TFDP2: variants seen among roughly 807,000 people sequenced by gnomAD.
TFDP2 encodes the protein transcription factor Dp-2, also known as transcription factor Dp-2 (E2F dimerization partner 2).
A neutral mutation model predicts 59.3 loss-of-function variants in TFDP2; 17 were observed. The ratio of observed to expected loss-of-function variants is 0.29; its 90% CI spans 0.20 to 0.43. The LOEUF is 0.43. TFDP2 is among the 20% of genes least tolerant of loss of function. The pLI is 1.00. For missense variants in TFDP2, 391 were observed against 528.8 expected, an observed-to-expected ratio of 0.74 and a Z score of 2.56; for synonymous variants, 180 against 194.7, an observed-to-expected ratio of 0.92 and a Z score of 0.63.
chr3:142,106,647 A>T (rs2061482471), intron 1 of TFDP2, among the ~76,000 whole-genome samples: 1 of 152,212 alleles, frequency 6.6e-6, no homozygotes, highest in Non-Finnish European at 1.5e-5. Context: ...ACAATTGCAC[A>T]CTTCTTCCTG....
rs544785916 is a variant in TFDP2 at position 142,108,378 on chromosome 3, TTTC to T, written c.-92-6540_-92-6538del. Among the ~76,000 whole-genome samples, 557 of 152,078 alleles carry T rather than the reference TTTC, an allele frequency of 3.7e-3. 3 individuals are homozygous for T. The highest frequency in any genetic ancestry group is 0.013 in the African/African-American group (529 of 41,482). On this transcript the variant is annotated intron_variant, in intron 1 of 12. Coordinates refer to ENST00000489671, the MANE Select transcript of TFDP2 (RefSeq NM_001178139.2). Reference sequence around the variant, plus strand: ...GAGCCTGCCACCACGCATGGCTAATTTTCTTATTTTTAGTAGAGACGGGGTTTC... The same window carrying T: ...GAGCCTGCCACCACGCATGGCTAATTTTATTTTTAGTAGAGACGGGGTTTC...
chr3:142,128,680 A>G (rs2062371291), intron 1 of TFDP2, among the ~76,000 whole-genome samples: 1 of 151,978 alleles, frequency 6.6e-6, no homozygotes, highest in Non-Finnish European at 1.5e-5. Flanking sequence ...AAGAGAAGGA[A>G]GGAAAAAAGA....
At chr3:141,952,853 C>G in intron 12 of TFDP2, 58 bp downstream of exon 12, 2 of 1,577,848 alleles carry the variant, frequency 1.3e-6, no homozygotes, top group East Asian at 2.2e-5. Flanking sequence ...CGGCTCACCC[C>G]TACACAGACA....
In TFDP2 at chr3:142,055,941, CTTTTTTTTTTTTTTTTT is replaced by C. The variant is rs529693273; in HGVS notation, c.82+37103_82+37119del. On this transcript the variant is annotated intron_variant, in intron 3 of 12. Transcript: ENST00000489671. Reference sequence around the variant, plus strand: ...AAGCCCACATGCATTTATTAAGTACCTTTTTTTTTTTTTTTTTTTTTTTTTTTTTTGAGACAGAGTCT... The same window carrying C: ...AAGCCCACATGCATTTATTAAGTACCTTTTTTTTTTTTTGAGACAGAGTCT... 1.3e-3 allele frequency among the ~76,000 whole-genome samples: 88 copies of C among 70,216 alleles called. 3 individuals are homozygous for C. Among genetic ancestry groups the C allele is most frequent in the Non-Finnish European group, 1.4e-4 (6 of 42,888 alleles). The allele number at this position is 70,216 out of a possible 152,430, so 46.1% of individuals were successfully genotyped here. A position where few individuals can be genotyped will look rare whatever the true frequency, so the allele number is the denominator to read the frequency against.
chr3:142,075,733 A>AG (rs1491515345), intron 3 of TFDP2, among the ~76,000 whole-genome samples: 44 of 130,970 alleles, frequency 3.4e-4, no homozygotes, highest in Middle Eastern at 8.2e-3. Context: ...CTGTCTCTAC[A>AG]GAAAAAAAAA....
intron 3 of TFDP2, among the ~76,000 whole-genome samples, chr3:142,018,738 A>G (rs948218506): frequency 1.3e-5 from 2 of 152,156 alleles, no homozygotes; most frequent in Admixed American, 1.3e-4. Flanking sequence ...CACTGCACCC[A>G]GGCAATGTGT....
At chr3:142,138,081 C>G (rs1369902811) in intron 1 of TFDP2, among the ~76,000 whole-genome samples, 6 of 152,160 alleles carry the variant, frequency 3.9e-5, no homozygotes, top group Admixed American at 1.3e-4. Flanking sequence ...AGAGATTCAA[C>G]TTCTTCCTGG....
At chr3:142,081,504 A>T (rs1466695549) in intron 3 of TFDP2, among the ~76,000 whole-genome samples, 1 of 152,180 alleles carries the variant, frequency 6.6e-6, no homozygotes, top group Non-Finnish European at 1.5e-5. Context: ...AAATAAAACA[A>T]ATTGAAACAC....
intron 3 of TFDP2, among the ~76,000 whole-genome samples, chr3:142,039,273 TA>T (rs1248843701): frequency 6.6e-6 from 1 of 152,230 alleles, no homozygotes; most frequent in Non-Finnish European, 1.5e-5. Flanking sequence ...TGCCAATATT[TA>T]TTTTTTTATT....
chr3:142,146,765 T>C (rs2063194974), intron 1 of TFDP2, among the ~76,000 whole-genome samples: 1 of 152,150 alleles, frequency 6.6e-6, no homozygotes, highest in Admixed American at 6.5e-5. Context: ...TGTGAGGAGA[T>C]GTGAATGAAA....
intron 4 of TFDP2, among the ~76,000 whole-genome samples, chr3:142,000,934 C>A (rs1281722248): frequency 6.6e-6 from 1 of 152,192 alleles, no homozygotes; most frequent in Non-Finnish European, 1.5e-5. Flanking sequence ...GCCCCCACCC[C>A]CATGACTTTA....
chr3:141,968,157 A>G (rs549875281), intron 9 of TFDP2, among the ~76,000 whole-genome samples: 2 of 147,340 alleles, frequency 1.4e-5, no homozygotes, highest in South Asian at 4.2e-4. Context: ...AGAATTCTAC[A>G]GGCAGGAGCA....
rs542998467 is a variant in TFDP2 at position 141,958,362 on chromosome 3, A to G, written c.1051+1312T>C. On this transcript the variant is annotated intron_variant, in intron 11 of 12. Coordinates refer to ENST00000489671, the MANE Select transcript of TFDP2 (RefSeq NM_001178139.2). ...CACATGGATGACTCTAAAGAACATA[A>G]TATCGAGTGAAAAAAAATCAAATCA... 7.9e-5 allele frequency among the ~76,000 whole-genome samples: 12 copies of G among 152,352 alleles called. 1 individual carries two copies. Among genetic ancestry groups the G allele is most frequent in the African/African-American group, 2.6e-4 (11 of 41,570 alleles).
In TFDP2 at chr3:142,132,736, C is replaced by T. The variant is rs374019816; in HGVS notation, c.-93+16447G>A. Among the ~76,000 whole-genome samples the T allele has an allele frequency of 2.0e-4, 27 of 134,128 alleles. No homozygotes were observed. In the South Asian group the frequency reaches 4.5e-3, roughly 22 times the overall value. 88.0% of individuals were successfully genotyped at this position (134,128 alleles called of 152,430 possible). A position where few individuals can be genotyped will look rare whatever the true frequency, so the allele number is the denominator to read the frequency against. On this transcript the variant is annotated intron_variant, in intron 1 of 12. Transcript: ENST00000489671. Reference sequence around the variant, plus strand: ...CTTCAGCCTGGGCAACAGATTAAGACGCTATCTCAAAAAAAAAAAAAAAAG... The same window carrying T: ...CTTCAGCCTGGGCAACAGATTAAGATGCTATCTCAAAAAAAAAAAAAAAAG...
rs115984918 is a variant in TFDP2, at chr3:142,016,705, A to C, written c.83-11161T>G. Among the ~76,000 whole-genome samples the C allele has an allele frequency of 2.2e-3, 333 of 152,328 alleles. 4 individuals are homozygous for C. Among genetic ancestry groups the C allele is most frequent in the African/African-American group, 7.5e-3 (312 of 41,556 alleles). ...TTCACCTGTCCCTTCATAGTATTAA[A>C]ATATTGCTACTAGAAAATTTGCAAT... On this transcript the variant is annotated intron_variant, in intron 3 of 12. Transcript: ENST00000489671.
chr3:141,994,910 C>A, intron 5 of TFDP2, 110 bp downstream of exon 5: 2 of 915,874 alleles, frequency 2.2e-6, no homozygotes, highest in African/African-American at 1.7e-5. Context: ...AAAGGAAAAA[C>A]ATTTGTTTTT....
At chr3:142,041,244 C>A (rs1946955799) in intron 3 of TFDP2, among the ~76,000 whole-genome samples, 2 of 152,208 alleles carry the variant, frequency 1.3e-5, no homozygotes. Flanking sequence ...GTATTTTCTT[C>A]CAGTCCATGA....
At chr3:142,052,683 G>A (rs1394861853) in intron 3 of TFDP2, among the ~76,000 whole-genome samples, 5 of 151,842 alleles carry the variant, frequency 3.3e-5, no homozygotes, top group East Asian at 1.9e-4. Flanking sequence ...TCCCACTTCC[G>A]CCTCCCAAAG....
chr3:142,006,508 A>C, intron 3 of TFDP2, among the ~76,000 whole-genome samples: 1 of 144,760 alleles, frequency 6.9e-6, no homozygotes, highest in African/African-American at 2.6e-5. Context: ...TCGCTCTGAC[A>C]CCCAGGCTAG....
Sources: allele counts gnomAD v4.1 joint callset (sites outside exome capture counted in the v4.1 genomes callset), GRCh38; gene constraint gnomAD v4.1.1; transcripts MANE v1.5; gene names NCBI Gene and HGNC (gene_info 2026-07-23, HGNC 2026-07-21).